PSD3: variants seen among roughly 807,000 people sequenced by gnomAD.
PSD3 encodes pleckstrin and Sec7 domain containing 3, also known as PH and SEC7 domain-containing protein 3.
Under a neutral mutation model 105.5 loss-of-function variants are expected in PSD3, and 49 were observed. That is an observed-to-expected ratio of 0.46 (90% CI 0.37 to 0.59). The LOEUF (loss-of-function observed/expected upper bound fraction) is 0.59, where lower values mean the gene tolerates loss of function less well. Ranked by LOEUF, PSD3 falls within the 20% of genes least tolerant of loss-of-function variation. The probability of loss-of-function intolerance (pLI) is 0.00; values close to 1 mark genes in which losing one functional copy is unlikely to be tolerated. For synonymous variants in PSD3, 557 were observed against 457.8 expected, an observed-to-expected ratio of 1.22 and a Z score of -2.77; for missense variants, 1,561 against 1,263.8, an observed-to-expected ratio of 1.24 and a Z score of -3.57.
Position 18,900,921 on chromosome 8 carries a change from G to A in PSD3, c.131-28188C>T, listed in dbSNP as rs115551281. Among the ~76,000 whole-genome samples, 430 of 152,150 alleles carry A rather than the reference G, an allele frequency of 2.8e-3. 4 individuals are homozygous for A. Among genetic ancestry groups the A allele is most frequent in the African/African-American group, 9.6e-3 (398 of 41,504 alleles). Reference sequence around the variant, plus strand: ...AAGCTCATTGCAATAGCAACAACAGGTGGCTTCAACATTATTATATAGTAC... The same window carrying A: ...AAGCTCATTGCAATAGCAACAACAGATGGCTTCAACATTATTATATAGTAC... On this transcript the variant is annotated intron_variant, in intron 2 of 15. Coordinates refer to ENST00000327040, the MANE Select transcript of PSD3 (RefSeq NM_015310.4).
At chr8:19,047,560 G>A (rs569726469) in intron 1 of PSD3, among the ~76,000 whole-genome samples, 1 of 152,226 alleles carries the variant, frequency 6.6e-6, no homozygotes, top group Non-Finnish European at 1.5e-5. Flanking sequence ...GAGCTATAGA[G>A]TTTGAGTTTT....
chr8:19,059,427 C>A (rs1356623197), intron 1 of PSD3, among the ~76,000 whole-genome samples: 1 of 152,230 alleles, frequency 6.6e-6, no homozygotes, highest in Non-Finnish European at 1.5e-5. Context: ...GTACACCAAG[C>A]TCTGAAACAC....
intron 2 of PSD3, among the ~76,000 whole-genome samples, chr8:18,929,260 A>G (rs1821582981): frequency 6.6e-6 from 1 of 152,174 alleles, no homozygotes; most frequent in South Asian, 2.1e-4. Flanking sequence ...GCTAAAAAAA[A>G]AAAGAGTATA....
intron 9 of PSD3, among the ~76,000 whole-genome samples, chr8:18,676,462 C>T (rs1179166860): frequency 1.3e-5 from 2 of 152,154 alleles, no homozygotes; most frequent in Admixed American, 6.5e-5. Flanking sequence ...AGGACTTAGT[C>T]ACACAAAGAA....
chr8:18,858,371 G>A (rs1816186976), intron 4 of PSD3, among the ~76,000 whole-genome samples: 1 of 152,184 alleles, frequency 6.6e-6, no homozygotes, highest in East Asian at 1.9e-4. Flanking sequence ...GCTGATGGAA[G>A]GACTTGCCTC....
At chr8:19,024,156 G>C (rs994518888) in intron 1 of PSD3, among the ~76,000 whole-genome samples, 2 of 152,098 alleles carry the variant, frequency 1.3e-5, no homozygotes, top group Non-Finnish European at 2.9e-5. Context: ...ATAATAAAAT[G>C]TTTTCAAAAG....
intron 14 of PSD3, among the ~76,000 whole-genome samples, chr8:18,558,533 A>G (rs1227242386): frequency 6.6e-6 from 1 of 152,192 alleles, no homozygotes; most frequent in Non-Finnish European, 1.5e-5. Flanking sequence ...AAAAATACAG[A>G]AGTGTAGCCG....
chr8:18,537,523 T>A (rs1799908118), intron 15 of PSD3, among the ~76,000 whole-genome samples: 1 of 152,210 alleles, frequency 6.6e-6, no homozygotes, highest in African/African-American at 2.4e-5. Context: ...CCAGAGATAC[T>A]TACTTTCCCA....
At chr8:18,933,716 C>A (rs1586463790) in intron 2 of PSD3, among the ~76,000 whole-genome samples, 1 of 152,184 alleles carries the variant, frequency 6.6e-6, no homozygotes, top group Non-Finnish European at 1.5e-5. Flanking sequence ...GATCCATCCG[C>A]CTCTGCCTCC....
rs1036513813 is a variant in PSD3 at position 18,899,868 on chromosome 8, A to C, written c.131-27135T>G. On this transcript the variant is annotated intron_variant, in intron 2 of 15. Transcript: ENST00000327040. ...AAATTTATAGACAAGGGCATTCCTC[A>C]TCATAAATCCAACTGTATTTGCATA... 2.6e-5 allele frequency among the ~76,000 whole-genome samples: 4 copies of C among 152,184 alleles called. No homozygotes were observed. The East Asian group carries it at 7.7e-4, about 29-fold the overall frequency.
chr8:18,649,645 C>T (rs762510291), intron 10 of PSD3, among the ~76,000 whole-genome samples: 25 of 152,098 alleles, frequency 1.6e-4, no homozygotes, highest in Non-Finnish European at 2.2e-4. Context: ...ATTTTAGAGG[C>T]GCCAGGGATG....
At chr8:19,054,720 G>T (rs987850371) in intron 1 of PSD3, among the ~76,000 whole-genome samples, 1 of 152,076 alleles carries the variant, frequency 6.6e-6, no homozygotes, top group East Asian at 1.9e-4. Context: ...TGAGATTAAA[G>T]AAACTATTCT....
chr8:18,797,950 T>C (rs1366572278), intron 8 of PSD3, among the ~76,000 whole-genome samples: 1 of 152,138 alleles, frequency 6.6e-6, no homozygotes, highest in African/African-American at 2.4e-5. Flanking sequence ...TTTTCTCCTT[T>C]GGCCAGAAAG....
chr8:19,026,209 G>A (rs1039166924), intron 1 of PSD3, among the ~76,000 whole-genome samples: 5 of 152,160 alleles, frequency 3.3e-5, no homozygotes, highest in Non-Finnish European at 2.9e-5. Context: ...GATGAGATGA[G>A]GTTTGGGTGG....
At chr8:18,822,783 T>C (rs758151021) in intron 4 of PSD3, among the ~76,000 whole-genome samples, 1 of 152,240 alleles carries the variant, frequency 6.6e-6, no homozygotes, top group Non-Finnish European at 1.5e-5. Context: ...AGTCATATGC[T>C]GACCTCCCTA....
intron 14 of PSD3, among the ~76,000 whole-genome samples, chr8:18,558,011 CTG>C (rs1232831174): frequency 6.6e-6 from 1 of 152,156 alleles, no homozygotes; most frequent in Non-Finnish European, 1.5e-5. Flanking sequence ...AGAGGAGACA[CTG>C]TGTGCAAGCA....
chr8:18,862,126 G>A (rs755304273), intron 4 of PSD3, among the ~76,000 whole-genome samples: 1 of 152,134 alleles, frequency 6.6e-6, no homozygotes, highest in Non-Finnish European at 1.5e-5. Context: ...CTGGGTACCG[G>A]ACATTGTTAG....
chr8:18,556,279 G>A lies in PSD3; in HGVS notation c.2858C>T (p.Pro953Leu). ...TTELAEHRSY[P>L]PDKKVKAKDV... ...CTTGGCTTTGACCTTCTTGTCGGGG[G>A]GATATGAGCGGTGCTCGGCCAGCTC... The change falls in exon 15 of 16, where the codon CCC (proline) becomes CTC (leucine). Residue 953 changes from proline (P) to leucine (L), a missense_variant. Physicochemically the swap from Pro to Leu is moderately conservative, Grantham distance 98. Transcript: ENST00000327040. 4.3e-6 allele frequency: 7 copies of A among 1,613,994 alleles called. No homozygotes were observed. The highest frequency in any genetic ancestry group is 5.9e-6 in the Non-Finnish European group (7 of 1,179,978).
chr8:18,833,480 C>T (rs574895348), intron 4 of PSD3, among the ~76,000 whole-genome samples: 1 of 152,194 alleles, frequency 6.6e-6, no homozygotes, highest in Non-Finnish European at 1.5e-5. Context: ...AGGTATAATA[C>T]ATTTTAACAG....
Sources: gnomAD v4.1 joint callset for allele counts (sites outside exome capture counted in the v4.1 genomes callset) on GRCh38, gnomAD v4.1.1 for gene constraint, MANE v1.5 for transcripts, NCBI Gene and HGNC (gene_info 2026-07-23, HGNC 2026-07-21) for gene names.